KCNJ3: variants seen among roughly 807,000 people sequenced by gnomAD.
KCNJ3 encodes the protein G protein-activated inward rectifier potassium channel 1.
Under a neutral mutation model 39.2 loss-of-function variants are expected in KCNJ3, and 4 were observed. That is an observed-to-expected ratio of 0.10 (90% CI 0.05 to 0.23). KCNJ3 has a LOEUF of 0.23. Among genes scored for constraint, KCNJ3 ranks in the 10% least tolerant of loss-of-function variants. The pLI, the probability that KCNJ3 is intolerant of heterozygous loss-of-function variation, is 1.00. For synonymous variants in KCNJ3, 230 were observed against 237.4 expected (o/e 0.97, Z 0.29); for missense variants, 276 against 634.9 (o/e 0.43, Z 6.08).
intron 2 of KCNJ3, among the ~76,000 whole-genome samples, chr2:154,721,822 T>G (rs895152216): frequency 3.3e-5 from 5 of 152,310 alleles, no homozygotes; most frequent in African/African-American, 1.2e-4. Flanking sequence ...ATGAAACAAC[T>G]TGTCTGTCTT....
At chr2:154,735,989 A>G (rs1256012945) in intron 2 of KCNJ3, among the ~76,000 whole-genome samples, 2 of 152,090 alleles carry the variant, frequency 1.3e-5, no homozygotes, top group East Asian at 3.9e-4. Flanking sequence ...TTCCATTTTT[A>G]GTTTTAAGTT....
At chr2:154,725,302 C>T (rs1260651816) in intron 2 of KCNJ3, among the ~76,000 whole-genome samples, 4 of 149,924 alleles carry the variant, frequency 2.7e-5, no homozygotes, top group South Asian at 2.1e-4. Flanking sequence ...TTTTATATCT[C>T]GCCATTCTTC....
At chr2:154,754,027 T>A (rs1685895109) in intron 2 of KCNJ3, among the ~76,000 whole-genome samples, 1 of 152,146 alleles carries the variant, frequency 6.6e-6, no homozygotes, top group Admixed American at 6.6e-5. Flanking sequence ...TTTGCCAGTT[T>A]TCCACCACTA....
At chr2:154,727,178 A>T (rs193200597) in intron 2 of KCNJ3, among the ~76,000 whole-genome samples, 221 of 152,322 alleles carry the variant, frequency 1.5e-3, no homozygotes, top group African/African-American at 5.0e-3. Flanking sequence ...ACAAAAATTT[A>T]AAAAACTTCT....
intron 2 of KCNJ3, among the ~76,000 whole-genome samples, chr2:154,798,138 A>G (rs940157041): frequency 1.1e-4 from 17 of 151,150 alleles, no homozygotes; most frequent in Non-Finnish European, 2.4e-4. Flanking sequence ...TATACACACT[A>G]CACACACTCT....
At chr2:154,743,841 C>G (rs891009357) in intron 2 of KCNJ3, among the ~76,000 whole-genome samples, 2 of 150,594 alleles carry the variant, frequency 1.3e-5, no homozygotes, top group Admixed American at 1.3e-4. Flanking sequence ...TTTTTTCTTC[C>G]CATAATGTGG....
At chr2:154,718,395 T>C (rs749302349) in intron 2 of KCNJ3, among the ~76,000 whole-genome samples, 5 of 152,180 alleles carry the variant, frequency 3.3e-5, no homozygotes, top group Admixed American at 6.5e-5. Context: ...ATGAAAATAA[T>C]ACTTAAATAT....
chr2:154,787,316 T>C (rs1210543258), intron 2 of KCNJ3, among the ~76,000 whole-genome samples: 1 of 152,168 alleles, frequency 6.6e-6, no homozygotes, highest in Admixed American at 6.6e-5. Context: ...AAAATTAATT[T>C]TCAGTCTTTT....
chr2:154,741,497 G>A (rs1390244236), intron 2 of KCNJ3, among the ~76,000 whole-genome samples: 1 of 151,530 alleles, frequency 6.6e-6, no homozygotes, highest in East Asian at 1.9e-4. Flanking sequence ...ACAGAGAATC[G>A]ATTGTGTTAA....
At chr2:154,730,243 C>T (rs2105166677) in intron 2 of KCNJ3, among the ~76,000 whole-genome samples, 1 of 152,160 alleles carries the variant, frequency 6.6e-6, no homozygotes, top group Non-Finnish European at 1.5e-5. Flanking sequence ...CCTCCCACCC[C>T]ACTGACTCCA....
At chr2:154,774,055 A>C (rs1686288558) in intron 2 of KCNJ3, among the ~76,000 whole-genome samples, 1 of 152,172 alleles carries the variant, frequency 6.6e-6, no homozygotes, top group Non-Finnish European at 1.5e-5. Context: ...AAGTTACCAA[A>C]GATGCATATT....
intron 2 of KCNJ3, among the ~76,000 whole-genome samples, chr2:154,775,414 A>G (rs533553107): frequency 6.6e-6 from 1 of 152,288 alleles, no homozygotes; most frequent in Admixed American, 6.5e-5. Context: ...TAAACCACTC[A>G]TCTATATTAT....
chr2:154,812,849 G>A (rs1016989682), intron 2 of KCNJ3, among the ~76,000 whole-genome samples: 5 of 151,924 alleles, frequency 3.3e-5, no homozygotes, highest in African/African-American at 9.7e-5. Flanking sequence ...GAATAAAGCC[G>A]GAAAAAGGGC....
chr2:154,719,578 T>C (rs1347937080), intron 2 of KCNJ3, among the ~76,000 whole-genome samples: 1 of 152,132 alleles, frequency 6.6e-6, no homozygotes, highest in Non-Finnish European at 1.5e-5. Flanking sequence ...CACTCACTGA[T>C]GGAGAGAATT....
intron 2 of KCNJ3, among the ~76,000 whole-genome samples, chr2:154,779,304 G>A (rs939485144): frequency 6.6e-5 from 10 of 151,598 alleles, no homozygotes; most frequent in Admixed American, 1.3e-4. Context: ...GAGACCACAT[G>A]AGATGGTGCT....
Position 154,832,739 on chromosome 2 carries a change from G to C in KCNJ3, c.920-21988G>C, listed in dbSNP as rs527889710. On this transcript the variant is annotated intron_variant, in intron 2 of 2. Transcript: ENST00000295101. ...TTCAAATGGAGATGCTTTACATTGTGAAGAATGATTAAATAATTTTATCTT... is the reference window on the plus strand; with the variant it reads ...TTCAAATGGAGATGCTTTACATTGTCAAGAATGATTAAATAATTTTATCTT... Among the ~76,000 whole-genome samples, 6 of 151,812 alleles carry C rather than the reference G, an allele frequency of 4.0e-5. No individual in the cohort carries two copies. The South Asian group carries it at 1.2e-3, about 31-fold the overall frequency.
chr2:154,752,286 T>C (rs868067110), intron 2 of KCNJ3, among the ~76,000 whole-genome samples: 1 of 151,938 alleles, frequency 6.6e-6, no homozygotes, highest in Non-Finnish European at 1.5e-5. Flanking sequence ...TCCTTTGCAA[T>C]AGCAATAGTC....
At chr2:154,804,729 T>C (rs796190287) in intron 2 of KCNJ3, among the ~76,000 whole-genome samples, 6 of 152,264 alleles carry the variant, frequency 3.9e-5, no homozygotes, top group African/African-American at 1.4e-4. Flanking sequence ...CTTATCCATG[T>C]TCATACACTA....
At chr2:154,818,268 G>A (rs1022204125) in intron 2 of KCNJ3, among the ~76,000 whole-genome samples, 1 of 151,956 alleles carries the variant, frequency 6.6e-6, no homozygotes, top group South Asian at 2.1e-4. Flanking sequence ...GAAATTCTTC[G>A]AAGTATGGGT....
Sources: gnomAD v4.1 joint callset for allele counts (sites outside exome capture counted in the v4.1 genomes callset) on GRCh38, gnomAD v4.1.1 for gene constraint, MANE v1.5 for transcripts, NCBI Gene and HGNC (gene_info 2026-07-23, HGNC 2026-07-21) for gene names.